Variants in CRACR2A observed in about 807,000 individuals in gnomAD.
CRACR2A encodes calcium release activated channel regulator 2A.
CRACR2A carries 79 observed loss-of-function variants against 90.5 expected under a neutral mutation model. The ratio of observed to expected loss-of-function variants is 0.87; its 90% CI spans 0.73 to 1.05. The LOEUF (loss-of-function observed/expected upper bound fraction) is 1.05. Among genes scored for constraint, CRACR2A ranks in the 50% least tolerant of loss-of-function variants. The pLI, the probability that CRACR2A is intolerant of heterozygous loss-of-function variation, is 0.00. For missense variants in CRACR2A, 823 were observed against 897.2 expected (o/e 0.92, Z 1.06); for synonymous variants, 338 against 356.7 (o/e 0.95, Z 0.59).
chr12:3,649,160 A>G (rs567281841), intron 10 of CRACR2A, among the ~76,000 whole-genome samples: 1 of 152,250 alleles, frequency 6.6e-6, no homozygotes, highest in East Asian at 1.9e-4. Context: ...CAGCACACCA[A>G]CATGGCACAT....
chr12:3,631,932 G>T (rs772008037), intron 15 of CRACR2A, among the ~76,000 whole-genome samples: 19 of 152,186 alleles, frequency 1.2e-4, no homozygotes, highest in Non-Finnish European at 2.4e-4. Context: ...CAGAGACCCA[G>T]GCTTGGAGGC....
chr12:3,653,602 C>T (rs79009360), intron 10 of CRACR2A, among the ~76,000 whole-genome samples: 3 of 152,088 alleles, frequency 2.0e-5, no homozygotes, highest in African/African-American at 4.8e-5. Context: ...CATGGCTGGA[C>T]GATATTGGCA....
chr12:3,655,678 C>T (rs1239983445), intron 9 of CRACR2A, among the ~76,000 whole-genome samples: 3 of 152,160 alleles, frequency 2.0e-5, no homozygotes, highest in African/African-American at 4.8e-5. Flanking sequence ...CCAGGTACTC[C>T]CAGCCATAGA....
intron 18 of CRACR2A, among the ~76,000 whole-genome samples, chr12:3,618,150 C>G (rs1441483146): frequency 6.9e-6 from 1 of 145,552 alleles, no homozygotes; most frequent in Non-Finnish European, 1.5e-5. Flanking sequence ...ACTCCCGAGT[C>G]TTAGTTTTTT....
chr12:3,744,604 T>C (rs1308395389), intron 1 of CRACR2A, among the ~76,000 whole-genome samples: 1 of 152,208 alleles, frequency 6.6e-6, no homozygotes, highest in East Asian at 1.9e-4. Context: ...GGGAGAAATA[T>C]GCAAGGTTCT....
rs141360892 is a variant in CRACR2A, at chr12:3,629,184, C to T, written c.1736-1478G>A. 7.9e-3 allele frequency among the ~76,000 whole-genome samples: 1,209 copies of T among 152,138 alleles called. 8 individuals carry two copies. Among genetic ancestry groups the T allele is most frequent in the African/African-American group, 0.017 (702 of 41,476 alleles). Reference sequence around the variant, plus strand: ...CATACATACACATTCACACACACACCGAGAGATGAAGCAGGAGTCACGAGC... The same window carrying T: ...CATACATACACATTCACACACACACTGAGAGATGAAGCAGGAGTCACGAGC... On this transcript the variant is annotated intron_variant, in intron 15 of 19. Coordinates refer to ENST00000440314, the MANE Select transcript of CRACR2A (RefSeq NM_001144958.2).
At chr12:3,638,025 A>G in intron 14 of CRACR2A, 99 bp downstream of exon 14, 1 of 1,198,326 alleles carries the variant, frequency 8.3e-7, no homozygotes, top group Admixed American at 2.8e-5. Flanking sequence ...GACCTGCAGC[A>G]TCTGACCTCC....
rs192993586 is a variant in CRACR2A at position 3,637,792 on chromosome 12, C to G, written c.1602+332G>C. On this transcript the variant is annotated intron_variant, in intron 14 of 19. Coordinates refer to ENST00000440314, the MANE Select transcript of CRACR2A (RefSeq NM_001144958.2). ...TCTCGTGCCCCTTTGTTGAGGTGTG[C>G]TCTCATGGTAACTGGCCAAGAAGGC... Among the ~76,000 whole-genome samples the G allele has an allele frequency of 6.8e-3, 1,029 of 152,272 alleles. 8 individuals are homozygous for G. Among genetic ancestry groups the G allele is most frequent in the Non-Finnish European group, 8.4e-3 (574 of 68,032 alleles).
chr12:3,673,120 T>C (rs1044804192), intron 7 of CRACR2A, among the ~76,000 whole-genome samples: 1 of 152,340 alleles, frequency 6.6e-6, no homozygotes, highest in East Asian at 1.9e-4. Flanking sequence ...TTAACCTTTC[T>C]GGGTTTCCAA....
intron 15 of CRACR2A, 136 bp from the exon 16 acceptor site, chr12:3,627,842 G>A: frequency 1.2e-6 from 1 of 843,304 alleles, no homozygotes; most frequent in South Asian, 1.5e-5. Flanking sequence ...CTCGTGGGAG[G>A]CAAAATGGAG....
intron 2 of CRACR2A, among the ~76,000 whole-genome samples, chr12:3,725,460 G>C (rs1045374621): frequency 1.3e-5 from 2 of 152,056 alleles, no homozygotes; most frequent in African/African-American, 4.8e-5. Flanking sequence ...TCCTCTGTGT[G>C]TCTCTTTATG....
chr12:3,736,526 G>C (rs1946452648), intron 1 of CRACR2A, among the ~76,000 whole-genome samples: 1 of 152,016 alleles, frequency 6.6e-6, no homozygotes, highest in Non-Finnish European at 1.5e-5. Flanking sequence ...TGGGGACAGG[G>C]CTAGACATGT....
intron 8 of CRACR2A, among the ~76,000 whole-genome samples, chr12:3,657,392 G>A (rs1374987663): frequency 6.6e-6 from 1 of 152,214 alleles, no homozygotes; most frequent in African/African-American, 2.4e-5. Context: ...GGACAGCGTG[G>A]GATGCTGCAC....
chr12:3,697,165 T>C (rs1182566889), intron 3 of CRACR2A, 130 bp from the exon 4 acceptor site: 1 of 1,137,486 alleles, frequency 8.8e-7, no homozygotes, highest in Admixed American at 2.9e-5. Flanking sequence ...AGCAACTACC[T>C]CTTAATTAGC....
chr12:3,696,931 T>C lies in CRACR2A; in HGVS notation c.69A>G (p.Pro23=). 1 of 1,614,202 alleles carries C rather than the reference T, an allele frequency of 6.2e-7. No individual in the cohort carries two copies. Among genetic ancestry groups the C allele is most frequent in the South Asian group, 1.1e-5 (1 of 91,074 alleles). ...QRLGQGSGQG[P]KGSGACLHPL... is the part of the protein sequence containing the mutation. ...GATGCAGGCAGGCTCCACTCCCCTT[T>C]GGCCCCTGGCCAGACCCCTGACCAA... is the stretch of plus-strand genomic sequence containing the variant. The change falls in exon 4 of 20, where the codon CCA becomes CCG. Residue 23 remains proline, a synonymous_variant. Transcript: ENST00000440314.
intron 15 of CRACR2A, among the ~76,000 whole-genome samples, chr12:3,628,328 G>A (rs912875033): frequency 6.6e-6 from 1 of 152,024 alleles, no homozygotes; most frequent in Non-Finnish European, 1.5e-5. Flanking sequence ...CAATCCAAAG[G>A]TATGTGGAGG....
At chr12:3,654,679 C>T (rs534731576) in intron 9 of CRACR2A, among the ~76,000 whole-genome samples, 62 of 152,328 alleles carry the variant, frequency 4.1e-4, no homozygotes, top group Non-Finnish European at 7.6e-4. Flanking sequence ...AGACCACTAG[C>T]AAAGGAACTT....
At chr12:3,747,830 C>G (rs780386484) in intron 1 of CRACR2A, among the ~76,000 whole-genome samples, 27 of 152,230 alleles carry the variant, frequency 1.8e-4, no homozygotes, top group Non-Finnish European at 3.5e-4. Flanking sequence ...TCACCCTTCT[C>G]ACCTTTCCTC....
At chr12:3,650,545 C>T (rs1944776135) in intron 10 of CRACR2A, among the ~76,000 whole-genome samples, 1 of 152,182 alleles carries the variant, frequency 6.6e-6, no homozygotes. Flanking sequence ...TGGGACTCTG[C>T]TGTGATGAGT....
Sources: gnomAD v4.1 joint callset for allele counts (sites outside exome capture counted in the v4.1 genomes callset) on GRCh38, gnomAD v4.1.1 for gene constraint, MANE v1.5 for transcripts, NCBI Gene and HGNC (gene_info 2026-07-23, HGNC 2026-07-21) for gene names.